Variants in PPP2R3A observed in about 807,000 individuals in gnomAD.
The protein encoded by PPP2R3A is protein phosphatase 2 regulatory subunit B''alpha.
PPP2R3A carries 80 observed loss-of-function variants against 106.9 expected under a neutral mutation model. The observed-to-expected ratio is 0.75, with a 90% CI of 0.62 to 0.90. The LOEUF is 0.90. Among genes scored for constraint, PPP2R3A ranks in the 40% least tolerant of loss-of-function variants. The pLI, the probability that PPP2R3A is intolerant of heterozygous loss-of-function variation, is 0.00. For missense variants in PPP2R3A, 1,386 were observed against 1,350.4 expected (o/e 1.03, Z -0.41); for synonymous variants, 483 against 468.3 (o/e 1.03, Z -0.41).
rs144678025 is a variant in PPP2R3A, at chr3:136,119,728, T to C, written c.3329+13406T>C. ...GAAACAACAGATGCTGGAGAGGGTG[T>C]GGAGAATAGGAATGCTTTTACACTG... On this transcript the variant is annotated intron_variant, in intron 13 of 13. Coordinates refer to ENST00000264977, the MANE Select transcript of PPP2R3A (RefSeq NM_002718.5). 4.9e-3 allele frequency among the ~76,000 whole-genome samples: 745 copies of C among 152,278 alleles called. 7 individuals are homozygous for C. Among genetic ancestry groups the C allele is most frequent in the African/African-American group, 0.017 (707 of 41,552 alleles).
At chr3:136,010,040 A>T (rs891710589) in intron 2 of PPP2R3A, among the ~76,000 whole-genome samples, 3 of 152,182 alleles carry the variant, frequency 2.0e-5, no homozygotes, top group South Asian at 2.1e-4. Flanking sequence ...TCCACTCTGC[A>T]GGTGCCTTTT....
chr3:136,096,844 A>G (rs1191468412), intron 10 of PPP2R3A, among the ~76,000 whole-genome samples: 1 of 152,202 alleles, frequency 6.6e-6, no homozygotes, highest in African/African-American at 2.4e-5. Flanking sequence ...AGTCCCAGCT[A>G]CTTGGGAGGC....
intron 6 of PPP2R3A, among the ~76,000 whole-genome samples, chr3:136,074,979 C>G (rs753690520): frequency 3.3e-5 from 5 of 152,240 alleles, no homozygotes; most frequent in Non-Finnish European, 7.3e-5. Context: ...CTGTTCACCA[C>G]TCCTGCCAAG....
chr3:136,085,163 A>G (rs1484550670), intron 8 of PPP2R3A, among the ~76,000 whole-genome samples: 1 of 152,114 alleles, frequency 6.6e-6, no homozygotes, highest in East Asian at 1.9e-4. Context: ...TAGCTCCCAT[A>G]ATCCCCAAGT....
intron 1 of PPP2R3A, among the ~76,000 whole-genome samples, chr3:135,971,856 C>T (rs1247405265): frequency 6.6e-6 from 1 of 152,118 alleles, no homozygotes; most frequent in Non-Finnish European, 1.5e-5. Context: ...AAGTCCATTA[C>T]CAAGGTGGTC....
intron 9 of PPP2R3A, among the ~76,000 whole-genome samples, chr3:136,088,766 C>T (rs887361162): frequency 6.6e-6 from 1 of 152,108 alleles, no homozygotes; most frequent in Admixed American, 6.5e-5. Flanking sequence ...TACATTTTGA[C>T]GTTTTAGTAG....
At chr3:136,113,084 G>T (rs1937620534) in intron 13 of PPP2R3A, among the ~76,000 whole-genome samples, 1 of 151,528 alleles carries the variant, frequency 6.6e-6, no homozygotes, top group Non-Finnish European at 1.5e-5. Flanking sequence ...AGTGAGCTGG[G>T]ATCACACCAC....
intron 13 of PPP2R3A, among the ~76,000 whole-genome samples, chr3:136,134,992 A>G (rs953011851): frequency 6.6e-6 from 1 of 152,188 alleles, no homozygotes; most frequent in Non-Finnish European, 1.5e-5. Context: ...ACAAATAGAC[A>G]TGTTCATCTG....
intron 1 of PPP2R3A, among the ~76,000 whole-genome samples, chr3:135,968,069 G>T (rs370278477): frequency 6.6e-6 from 1 of 152,160 alleles, no homozygotes; most frequent in Admixed American, 6.5e-5. Flanking sequence ...CACTAGTGAC[G>T]CAGCATTGTC....
intron 13 of PPP2R3A, among the ~76,000 whole-genome samples, chr3:136,111,200 G>A (rs1046193947): frequency 5.9e-5 from 9 of 152,122 alleles, no homozygotes; most frequent in African/African-American, 2.2e-4. Context: ...GACTAAATAA[G>A]TATTGATCAC....
intron 10 of PPP2R3A, among the ~76,000 whole-genome samples, chr3:136,099,047 G>A (rs992129311): frequency 2.0e-5 from 3 of 152,130 alleles, no homozygotes; most frequent in African/African-American, 7.2e-5. Flanking sequence ...ATGCTGAGAC[G>A]CCCAGTCTTC....
At chr3:135,990,878 C>T (rs1388087338) in intron 1 of PPP2R3A, among the ~76,000 whole-genome samples, 1 of 151,962 alleles carries the variant, frequency 6.6e-6, no homozygotes, top group Non-Finnish European at 1.5e-5. Flanking sequence ...TGTCTCCTCT[C>T]GCAGCCACAA....
intron 1 of PPP2R3A, among the ~76,000 whole-genome samples, chr3:135,977,501 GT>G (rs2107754110): frequency 1.3e-5 from 2 of 152,190 alleles, no homozygotes; most frequent in African/African-American, 4.8e-5. Context: ...CCATTACACT[GT>G]TTTTAATTGT....
chr3:136,019,275 CT>C, intron 2 of PPP2R3A, among the ~76,000 whole-genome samples: 1 of 152,284 alleles, frequency 6.6e-6, no homozygotes, highest in Non-Finnish European at 1.5e-5. Context: ...ATTTGGAAAA[CT>C]TTTACAGTGG....
Position 136,046,671 on chromosome 3 carries a change from A to G in PPP2R3A, c.2367-2588A>G, listed in dbSNP as rs187993406. Among the ~76,000 whole-genome samples the G allele has an allele frequency of 7.9e-5, 12 of 152,338 alleles. No homozygotes were observed. The East Asian group carries it at 2.1e-3, about 27-fold the overall frequency. On this transcript the variant is annotated intron_variant, in intron 4 of 13. Coordinates refer to ENST00000264977, the MANE Select transcript of PPP2R3A (RefSeq NM_002718.5). ...CCCTCACAGATGAGAAGGAACCAGC[A>G]CAAGAACTCTGACAATTCTAAAACC...
rs111442136 is a variant in PPP2R3A, at chr3:136,091,758, G to T, written c.2927+1091G>T. The stretch of plus-strand genomic sequence containing the variant: ...TAATTTATTTAGAAAACATGAATGA[G>T]CAGAAGAAAAATAAATTTTAATACC... On this transcript the variant is annotated intron_variant, in intron 10 of 13. Transcript: ENST00000264977. Among the ~76,000 whole-genome samples, 27 of 152,088 alleles carry T rather than the reference G, an allele frequency of 1.8e-4. 1 individual carries two copies. Among genetic ancestry groups the T allele is most frequent in the African/African-American group, 6.5e-4 (27 of 41,488 alleles).
chr3:136,006,563 C>G (rs1275888815), intron 2 of PPP2R3A, among the ~76,000 whole-genome samples: 1 of 152,162 alleles, frequency 6.6e-6, no homozygotes, highest in Non-Finnish European at 1.5e-5. Context: ...GTAAACCATT[C>G]TTAGCTCCAA....
chr3:136,099,145 C>T (rs1026105787), intron 10 of PPP2R3A, among the ~76,000 whole-genome samples: 28 of 152,096 alleles, frequency 1.8e-4, no homozygotes, highest in Admixed American at 1.7e-3. Context: ...ACTGACCTGC[C>T]CAAGAATAAA....
chr3:136,070,933 G>C (rs1936411133), intron 6 of PPP2R3A, among the ~76,000 whole-genome samples: 1 of 152,210 alleles, frequency 6.6e-6, no homozygotes, highest in Admixed American at 6.5e-5. Context: ...GTTAGAACTG[G>C]ACATGATAAT....
Sources: allele counts gnomAD v4.1 joint callset (sites outside exome capture counted in the v4.1 genomes callset), GRCh38; gene constraint gnomAD v4.1.1; transcripts MANE v1.5; gene names NCBI Gene and HGNC (gene_info 2026-07-23, HGNC 2026-07-21).